ABCC3: variants seen among roughly 807,000 people sequenced by gnomAD.
The protein encoded by ABCC3 is ATP-binding cassette sub-family C member 3.
ABCC3 carries 121 observed loss-of-function variants against 165.3 expected under a neutral mutation model. The observed-to-expected ratio is 0.73, with a 90% CI of 0.63 to 0.85. The LOEUF is 0.85. ABCC3 is among the 40% of genes least tolerant of loss of function. The pLI, the probability that ABCC3 is intolerant of heterozygous loss-of-function variation, is 0.00. For missense variants in ABCC3, 1,869 were observed against 1,964.1 expected, an observed-to-expected ratio of 0.95 and a Z score of 0.92; for synonymous variants, 733 against 810.1, an observed-to-expected ratio of 0.90 and a Z score of 1.62.
intron 19 of ABCC3, among the ~76,000 whole-genome samples, chr17:50,673,912 C>CTT (rs1567835415): frequency 8.3e-5 from 1 of 12,010 alleles, no homozygotes; most frequent in African/African-American, 4.5e-4. Flanking sequence ...TTCTTTCTTT[C>CTT]TTTCTTTCTT....
intron 11 of ABCC3, among the ~76,000 whole-genome samples, chr17:50,666,724 A>G (rs1050264661): frequency 2.0e-5 from 3 of 152,242 alleles, no homozygotes; most frequent in Admixed American, 6.5e-5. Context: ...CACGTAGCCC[A>G]TGGCCTGGCA....
At chr17:50,668,760 C>T in intron 14 of ABCC3, 93 bp from the exon 15 acceptor site, 2 of 1,075,892 alleles carry the variant, frequency 1.9e-6, no homozygotes, top group Non-Finnish European at 2.8e-6. Flanking sequence ...CAGGCTCCTC[C>T]CCTGTCCTCC....
Position 50,675,414 on chromosome 17 carries a change from CA to C in ABCC3, c.2654del (p.Asn885ThrfsTer5). ...CACTGCTGATTGAAGACACACTCAG[CA>C]ACCACACGGATCTGACAGACAATGA... Reference protein sequence around the residue: ...EALLIEDTLSNHTDLTDNDPV... With the variant: ...EALLIEDTLSXHTDLTDNDPV... On this transcript the variant is annotated frameshift_variant, in exon 20 of 31. Transcript: ENST00000285238. LOFTEE classifies it high-confidence loss of function. 6.2e-6 allele frequency: 10 copies of C among 1,614,072 alleles called. No homozygotes were observed. The highest frequency in any genetic ancestry group is 8.5e-6 in the Non-Finnish European group (10 of 1,179,980).
chr17:50,690,230 G>A (rs1299045358), intron 30 of ABCC3, among the ~76,000 whole-genome samples: 1 of 152,082 alleles, frequency 6.6e-6, no homozygotes, highest in Non-Finnish European at 1.5e-5. Flanking sequence ...TGGAGAACAG[G>A]CCGCACTCTG....
At chr17:50,673,903 T>TCTTC (rs1967706928) in intron 19 of ABCC3, among the ~76,000 whole-genome samples, 1 of 9,518 alleles carries the variant, frequency 1.1e-4, no homozygotes, top group Admixed American at 1.2e-3. Flanking sequence ...GAGCCTGTTT[T>TCTTC]CTTTCTTTCT....
At chr17:50,687,376 G>A in intron 29 of ABCC3, 160 bp from the exon 30 acceptor site, 1 of 666,848 alleles carries the variant, frequency 1.5e-6, no homozygotes, top group Non-Finnish European at 2.5e-6. Flanking sequence ...ATGGTGTCCA[G>A]ACCTCTGCTC....
intron 23 of ABCC3, among the ~76,000 whole-genome samples, chr17:50,677,379 G>A (rs1967842852): frequency 6.6e-6 from 1 of 152,146 alleles, no homozygotes; most frequent in African/African-American, 2.4e-5. Flanking sequence ...TCAGTTCCCG[G>A]GGATAGATGC....
At chr17:50,666,123 G>A (rs184649312) in intron 11 of ABCC3, among the ~76,000 whole-genome samples, 2,207 of 152,182 alleles carry the variant, frequency 0.015, 23 homozygotes, top group Non-Finnish European at 0.019. Flanking sequence ...TGGAATGCTT[G>A]TCATCCCCCT....
At chr17:50,668,616 C>T (rs1967576698) in intron 14 of ABCC3, 99 bp downstream of exon 14, 2 of 1,018,226 alleles carry the variant, frequency 2.0e-6, no homozygotes, top group Non-Finnish European at 3.0e-6. Context: ...CCCTTTTCTT[C>T]TTCCTCTGTT....
At chr17:50,661,245 G>C (rs1174246358) in intron 8 of ABCC3, 131 bp downstream of exon 8, 30 of 988,416 alleles carry the variant, frequency 3.0e-5, no homozygotes, top group Non-Finnish European at 3.9e-5. Flanking sequence ...TCCACTTTCT[G>C]TGTGACCTTT....
intron 8 of ABCC3, among the ~76,000 whole-genome samples, chr17:50,662,466 G>A (rs770026061): frequency 6.6e-6 from 1 of 151,946 alleles, no homozygotes; most frequent in African/African-American, 2.4e-5. Context: ...GCAAGACCCT[G>A]TCTCTACAAA....
chr17:50,636,016 A>G (rs921334842), intron 1 of ABCC3: 1 of 156,160 alleles, frequency 6.4e-6, no homozygotes, highest in African/African-American at 2.4e-5. Context: ...AAGTGCATAC[A>G]GCCTAGGAGC....
chr17:50,646,109 G>T, intron 1 of ABCC3, among the ~76,000 whole-genome samples: 1 of 152,210 alleles, frequency 6.6e-6, no homozygotes, highest in East Asian at 1.9e-4. Flanking sequence ...AAAAGAAAAA[G>T]CGGAGAAGGG....
chr17:50,675,333 C>G (rs774188674), intron 19 of ABCC3, 29 bp from the exon 20 acceptor site: 53 of 1,554,952 alleles, frequency 3.4e-5, no homozygotes, highest in Non-Finnish European at 4.4e-5. Context: ...CTAGCTGAAC[C>G]CTATCTCCTT....
At chr17:50,669,074 T>C in intron 15 of ABCC3, 66 bp from the exon 16 acceptor site, 2 of 1,589,678 alleles carry the variant, frequency 1.3e-6, no homozygotes, top group Non-Finnish European at 1.7e-6. Flanking sequence ...GTTCTGCAGG[T>C]GGAGGGTTGG....
Position 50,659,269 on chromosome 17 carries a change from A to G in ABCC3, c.707A>G (p.Glu236Gly). 6.2e-7 allele frequency: 1 copy of G among 1,613,840 alleles called. No individual in the cohort carries two copies. Among genetic ancestry groups the G allele is most frequent in the Non-Finnish European group, 8.5e-7 (1 of 1,179,854 alleles). Residue 236 changes from glutamate (E) to glycine (G), a missense_variant, in exon 7 of 31, where the codon GAG (glutamate) becomes GGG (glycine). Transcript: ENST00000285238. ...MAIYGYRHPL[E>G]EKDLWSLKEE... Reference sequence around the variant, plus strand: ...ATCTATGGCTACCGGCATCCCCTGGAGGAGAAGGACCTCTGGTCCCTAAAG... The same window carrying G: ...ATCTATGGCTACCGGCATCCCCTGGGGGAGAAGGACCTCTGGTCCCTAAAG...
intron 27 of ABCC3, 95 bp downstream of exon 27, chr17:50,683,851 G>A: frequency 1.9e-6 from 3 of 1,561,042 alleles, no homozygotes; most frequent in Non-Finnish European, 2.6e-6. Context: ...GAGCACAAGT[G>A]CTCCAGCCAC....
intron 5 of ABCC3, 102 bp downstream of exon 5, chr17:50,658,309 A>C: frequency 6.3e-7 from 1 of 1,590,268 alleles, no homozygotes; most frequent in Non-Finnish European, 8.6e-7. Context: ...AGTGGGAGAG[A>C]GGTCATCCCC....
rs1293802571 is a variant in ABCC3, at chr17:50,655,960, C to T, written c.174C>T (p.His58=). 6.2e-7 allele frequency: 1 copy of T among 1,614,110 alleles called. No homozygotes were observed. The highest frequency in any genetic ancestry group is 2.2e-5 in the East Asian group (1 of 44,882). Reference sequence around the variant, plus strand: ...CCTGCTACTTGCTCTACCTGCGGCACCATTGTCGTGGCTACATCATCCTCT... The same window carrying T: ...CCTGCTACTTGCTCTACCTGCGGCATCATTGTCGTGGCTACATCATCCTCT... ...ALPCYLLYLR[H]HCRGYIILSH... The change falls in exon 2 of 31, where the codon CAC becomes CAT. Residue 58 remains histidine (H), a synonymous_variant. Coordinates refer to ENST00000285238, the MANE Select transcript of ABCC3 (RefSeq NM_003786.4).
Sources: gnomAD v4.1 joint callset for allele counts (sites outside exome capture counted in the v4.1 genomes callset) on GRCh38, gnomAD v4.1.1 for gene constraint, MANE v1.5 for transcripts, NCBI Gene and HGNC (gene_info 2026-07-23, HGNC 2026-07-21) for gene names.